TMEM132B: variants seen among roughly 807,000 people sequenced by gnomAD.
TMEM132B encodes the protein transmembrane protein 132B.
Under a neutral mutation model 90.8 loss-of-function variants are expected in TMEM132B, and 18 were observed. The ratio of observed to expected loss-of-function variants is 0.20; its 90% CI spans 0.14 to 0.29. TMEM132B has a LOEUF of 0.29. Among genes scored for constraint, TMEM132B ranks in the 10% least tolerant of loss-of-function variants. The pLI is 1.00. For missense variants in TMEM132B, 1,096 were observed against 1,326.8 expected (o/e 0.83, Z 2.70); for synonymous variants, 504 against 523.3 (o/e 0.96, Z 0.50).
At chr12:125,379,926 A>C (rs919237918) in intron 2 of TMEM132B, among the ~76,000 whole-genome samples, 13 of 152,210 alleles carry the variant, frequency 8.5e-5, no homozygotes, top group African/African-American at 3.1e-4. Context: ...CATTACATTC[A>C]GGGTAGATCT....
Position 125,528,784 on chromosome 12 carries a change from A to G in TMEM132B, c.1293+9159A>G, listed in dbSNP as rs114275914. 3.1e-3 allele frequency among the ~76,000 whole-genome samples: 467 copies of G among 152,164 alleles called. 3 individuals are homozygous for G. The highest frequency in any genetic ancestry group is 0.011 in the African/African-American group (443 of 41,510). ...TACTGACAACATAGTTAATCAACAC[A>G]TGTTTTGCATGTTATATGTGCTATA... On this transcript the variant is annotated intron_variant, in intron 4 of 8. Coordinates refer to ENST00000682704, the MANE Select transcript of TMEM132B (RefSeq NM_001366854.1).
chr12:125,604,604 A>C (rs904311406), intron 5 of TMEM132B, among the ~76,000 whole-genome samples: 1 of 152,262 alleles, frequency 6.6e-6, no homozygotes, highest in Non-Finnish European at 1.5e-5. Flanking sequence ...CCCAGAACTT[A>C]AAGTAAAATA....
intron 3 of TMEM132B, among the ~76,000 whole-genome samples, chr12:125,444,245 G>A (rs1378312554): frequency 6.6e-6 from 1 of 152,012 alleles, no homozygotes; most frequent in Non-Finnish European, 1.5e-5. Flanking sequence ...GGTCATTTTT[G>A]AAAAATTGAA....
intron 1 of TMEM132B, among the ~76,000 whole-genome samples, chr12:125,295,965 G>A (rs760791062): frequency 1.1e-4 from 17 of 152,120 alleles, no homozygotes; most frequent in Non-Finnish European, 2.2e-4. Context: ...CTTTATATGA[G>A]TATGCTTTTT....
chr12:125,190,100 G>A (rs1031587320), intron 1 of TMEM132B, among the ~76,000 whole-genome samples: 8 of 152,222 alleles, frequency 5.3e-5, no homozygotes, highest in Admixed American at 2.6e-4. Flanking sequence ...AGCAGCCCCC[G>A]GCAGATGGGA....
chr12:125,343,461 G>A lies in TMEM132B; in HGVS notation c.68-5991G>A, dbSNP rs145183533. Among the ~76,000 whole-genome samples, 719 of 152,254 alleles carry A rather than the reference G, an allele frequency of 4.7e-3. 7 individuals are homozygous for A. The highest frequency in any genetic ancestry group is 0.016 in the African/African-American group (678 of 41,544). On this transcript the variant is annotated intron_variant, in intron 1 of 8. Transcript: ENST00000682704. Reference sequence around the variant, plus strand: ...CCTGGCCTTGTGAGCATTAAGCTTCGGCTCCTTCAGATGACCTCCAAATGG... The same window carrying A: ...CCTGGCCTTGTGAGCATTAAGCTTCAGCTCCTTCAGATGACCTCCAAATGG...
At chr12:125,563,146 C>T (rs1040329464) in intron 4 of TMEM132B, among the ~76,000 whole-genome samples, 15 of 92,548 alleles carry the variant, frequency 1.6e-4, no homozygotes, top group East Asian at 3.0e-4. Flanking sequence ...CACCATAATG[C>T]GTAATAATAA....
chr12:125,556,670 C>T (rs892786214), intron 4 of TMEM132B, among the ~76,000 whole-genome samples: 1 of 152,146 alleles, frequency 6.6e-6, no homozygotes, highest in Non-Finnish European at 1.5e-5. Flanking sequence ...AGCATCAGGG[C>T]GAGCTTCTTT....
In TMEM132B at chr12:125,644,127, A is replaced by C. The variant is rs1393751152; in HGVS notation, c.1489A>C (p.Lys497Gln). ...TGTGAATGGGAAGGAAATGAAGAGC[A>C]AAGTGGACACGATTGTGAACTTCAC... ...IFVNGKEMKSKVDTIVNFTHQ... is the reference protein window; with the variant it reads ...IFVNGKEMKSQVDTIVNFTHQ... Residue 497 changes from lysine to glutamine, a missense_variant, in exon 6 of 9, where the codon AAA becomes CAA. Lys to Gln is a moderately conservative substitution (Grantham distance 53). Transcript: ENST00000682704. 6.2e-7 allele frequency: 1 copy of C among 1,614,256 alleles called. No homozygotes were observed. The highest frequency in any genetic ancestry group is 1.3e-5 in the African/African-American group (1 of 75,068).
At position 125,251,649 on chromosome 12, in the gene TMEM132B, G is replaced by A. The variant is rs1052236475; in HGVS notation, c.67+64783G>A. Among the ~76,000 whole-genome samples, 5 of 152,076 alleles carry A rather than the reference G, an allele frequency of 3.3e-5. No homozygotes were observed. Among genetic ancestry groups the A allele is most frequent in the Non-Finnish European group, 7.4e-5 (5 of 68,014 alleles). ...CAGGCTCGGGGCTGCTGAGACAATA[G>A]GGAACGGTGTGGACTCTGGCAAACT... On this transcript the variant is annotated intron_variant, in intron 1 of 8. Transcript: ENST00000682704. The surrounding 1 kb of genome is among the most constrained non-coding windows in gnomAD (Gnocchi z 4.4).
intron 3 of TMEM132B, among the ~76,000 whole-genome samples, chr12:125,435,630 A>G (rs1379045380): frequency 6.6e-6 from 1 of 152,258 alleles, no homozygotes; most frequent in Non-Finnish European, 1.5e-5. Flanking sequence ...TTTATATTCT[A>G]GTGGGAGGAA....
rs964649213 is a variant in TMEM132B at position 125,470,925 on chromosome 12, G to A, written c.1107-48514G>A. On this transcript the variant is annotated intron_variant, in intron 3 of 8. Coordinates refer to ENST00000682704, the MANE Select transcript of TMEM132B (RefSeq NM_001366854.1). ...CCTCACAGAGATCAGGCTCAGGGGA[G>A]AAAGACCCCCTTGGCCGGCTGCACC... Among the ~76,000 whole-genome samples the A allele has an allele frequency of 5.9e-5, 9 of 152,232 alleles. 1 individual carries two copies. The highest frequency in any genetic ancestry group is 2.2e-4 in the African/African-American group (9 of 41,458).
At chr12:125,511,914 A>G (rs1882991271) in intron 3 of TMEM132B, among the ~76,000 whole-genome samples, 1 of 151,816 alleles carries the variant, frequency 6.6e-6, no homozygotes, top group South Asian at 2.1e-4. Context: ...GCTGGAAATC[A>G]CATTCCTAGG....
At chr12:125,259,612 C>T (rs1324571836) in intron 1 of TMEM132B, among the ~76,000 whole-genome samples, 2 of 152,226 alleles carry the variant, frequency 1.3e-5, no homozygotes, top group South Asian at 2.1e-4. Flanking sequence ...AGGGAACCCT[C>T]CTTAAATGGT....
intron 1 of TMEM132B, among the ~76,000 whole-genome samples, chr12:125,236,923 G>A (rs1873950415): frequency 6.6e-6 from 1 of 152,244 alleles, no homozygotes; most frequent in Non-Finnish European, 1.5e-5. Flanking sequence ...TTGCAGGCAG[G>A]ATGGTGCGGG....
At chr12:125,220,226 T>A (rs151006824) in intron 1 of TMEM132B, among the ~76,000 whole-genome samples, 9 of 152,342 alleles carry the variant, frequency 5.9e-5, no homozygotes, top group African/African-American at 2.2e-4. Context: ...AAACCACATC[T>A]TGGTCAATGG....
intron 4 of TMEM132B, among the ~76,000 whole-genome samples, chr12:125,553,067 A>T (rs545059011): frequency 2.0e-5 from 3 of 152,264 alleles, no homozygotes; most frequent in Admixed American, 2.0e-4. Context: ...TTTTACTAGG[A>T]CAGTTGTACA....
rs1875669634 is a variant in TMEM132B at position 125,296,235 on chromosome 12, A to G, written c.68-53217A>G. 3.9e-5 allele frequency among the ~76,000 whole-genome samples: 6 copies of G among 152,162 alleles called. No homozygotes were observed. The South Asian group carries it at 1.2e-3, about 32-fold the overall frequency. ...CTCCTGATCCCATCTCCTTCTGCCT[A>G]TGCCCTGCTCTGGCCACACTTGTCT... On this transcript the variant is annotated intron_variant, in intron 1 of 8. Coordinates refer to ENST00000682704, the MANE Select transcript of TMEM132B (RefSeq NM_001366854.1).
intron 3 of TMEM132B, among the ~76,000 whole-genome samples, chr12:125,433,308 A>T (rs1274215131): frequency 6.6e-6 from 1 of 152,104 alleles, no homozygotes; most frequent in Non-Finnish European, 1.5e-5. Context: ...CGTCACGGTC[A>T]TCGGGGCAAT....
Sources: allele counts gnomAD v4.1 joint callset (sites outside exome capture counted in the v4.1 genomes callset), GRCh38; gene constraint gnomAD v4.1.1; non-coding constraint Gnocchi (gnomAD v3.1); transcripts MANE v1.5; gene names NCBI Gene and HGNC (gene_info 2026-07-23, HGNC 2026-07-21).